FRMD4A: variants seen among roughly 807,000 people sequenced by gnomAD.
FRMD4A encodes the protein FERM domain-containing protein 4A.
In FRMD4A, 29 loss-of-function variants were observed where a neutral mutation model predicts 129.1. The observed-to-expected ratio is 0.22, with a 90% confidence interval of 0.17 to 0.31. FRMD4A has a LOEUF of 0.31. Among genes scored for constraint, FRMD4A ranks in the 10% least tolerant of loss-of-function variants. FRMD4A has a pLI of 1.00. For missense variants in FRMD4A, 1,272 were observed against 1,375.8 expected (o/e 0.92, Z 1.19); for synonymous variants, 634 against 571.6 (o/e 1.11, Z -1.56).
intron 16 of FRMD4A, among the ~76,000 whole-genome samples, chr10:13,674,055 G>A (rs555274679): frequency 1.3e-5 from 2 of 152,196 alleles, no homozygotes; most frequent in Admixed American, 1.3e-4. Flanking sequence ...GGCATGAGCA[G>A]CTGTGCCCAG....
chr10:13,845,250 C>T (rs1475163259), intron 3 of FRMD4A, among the ~76,000 whole-genome samples: 1 of 152,146 alleles, frequency 6.6e-6, no homozygotes, highest in Non-Finnish European at 1.5e-5. Flanking sequence ...GCCTGTCATC[C>T]TATGACCTTG....
At chr10:13,685,686 C>T in intron 15 of FRMD4A, 2 of 969,284 alleles carry the variant, frequency 2.1e-6, no homozygotes, top group Non-Finnish European at 2.5e-6. Flanking sequence ...AATTTCATCA[C>T]AGTCCTACCC....
intron 2 of FRMD4A, among the ~76,000 whole-genome samples, chr10:14,225,808 G>A (rs1342239560): frequency 2.0e-5 from 3 of 152,182 alleles, no homozygotes; most frequent in Admixed American, 6.5e-5. Context: ...CTGCCAGTTC[G>A]ATTTCTCCTG....
At chr10:14,329,256 G>A (rs1843414333) in intron 2 of FRMD4A, among the ~76,000 whole-genome samples, 3 of 152,260 alleles carry the variant, frequency 2.0e-5, no homozygotes, top group Middle Eastern at 3.4e-3. Context: ...GGCTACTTCC[G>A]ACAACAGCCA....
chr10:13,992,442 G>A (rs1297307434), intron 2 of FRMD4A, among the ~76,000 whole-genome samples: 4 of 152,118 alleles, frequency 2.6e-5, no homozygotes, highest in African/African-American at 9.7e-5. Context: ...CTGGCCTTGG[G>A]TCCTGCCCAC....
In FRMD4A at chr10:14,108,105, T is replaced by C. The variant is rs1837680102; in HGVS notation, c.45+221953A>G. Among the ~76,000 whole-genome samples the C allele has an allele frequency of 2.0e-5, 3 of 152,192 alleles. No individual in the cohort carries two copies. In the South Asian group the frequency reaches 6.2e-4, roughly 32 times the overall value. On this transcript the variant is annotated intron_variant, in intron 2 of 24. Coordinates refer to ENST00000357447, the MANE Select transcript of FRMD4A (RefSeq NM_018027.5). Reference sequence around the variant, plus strand: ...GCCTCATTCTTCACGGTCTCTCCAATAAAATTCATTGCCAACCTGTGGGCT... The same window carrying C: ...GCCTCATTCTTCACGGTCTCTCCAACAAAATTCATTGCCAACCTGTGGGCT...
At chr10:14,178,545 G>A (rs1841808724) in intron 2 of FRMD4A, among the ~76,000 whole-genome samples, 1 of 152,114 alleles carries the variant, frequency 6.6e-6, no homozygotes, top group African/African-American at 2.4e-5. Flanking sequence ...ATTGTTGCAG[G>A]GTGAAGGGGG....
chr10:13,790,264 A>G (rs909452136), intron 5 of FRMD4A, among the ~76,000 whole-genome samples: 1 of 152,178 alleles, frequency 6.6e-6, no homozygotes, highest in African/African-American at 2.4e-5. Flanking sequence ...AGGGGAGCAC[A>G]TTTGGATGCA....
At chr10:14,156,803 C>T (rs1306306761) in intron 2 of FRMD4A, among the ~76,000 whole-genome samples, 1 of 152,214 alleles carries the variant, frequency 6.6e-6, no homozygotes, top group Non-Finnish European at 1.5e-5. Flanking sequence ...AGCTTATAAA[C>T]CTGAGCACAC....
intron 5 of FRMD4A, among the ~76,000 whole-genome samples, chr10:13,791,844 G>C (rs1477795584): frequency 6.6e-6 from 1 of 152,216 alleles, no homozygotes; most frequent in Non-Finnish European, 1.5e-5. Flanking sequence ...GTGATGACCA[G>C]GTGCAAGTGG....
chr10:14,183,364 T>C (rs1841973743), intron 2 of FRMD4A, among the ~76,000 whole-genome samples: 1 of 152,216 alleles, frequency 6.6e-6, no homozygotes, highest in Admixed American at 6.5e-5. Flanking sequence ...TTCTAAGTTA[T>C]TCTAATTTTA....
At chr10:14,262,650 G>A (rs886121207) in intron 2 of FRMD4A, among the ~76,000 whole-genome samples, 2 of 152,172 alleles carry the variant, frequency 1.3e-5, no homozygotes, top group African/African-American at 4.8e-5. Flanking sequence ...CTCCTGGGTG[G>A]TGAGGAGCAG....
intron 3 of FRMD4A, among the ~76,000 whole-genome samples, chr10:13,857,452 A>C (rs1324693837): frequency 6.6e-6 from 1 of 152,190 alleles, no homozygotes; most frequent in African/African-American, 2.4e-5. Flanking sequence ...TCCACCAAAA[A>C]GGGAACAACA....
At chr10:14,091,439 TTTG>T (rs1402314759) in intron 2 of FRMD4A, among the ~76,000 whole-genome samples, 4 of 152,104 alleles carry the variant, frequency 2.6e-5, no homozygotes, top group Admixed American at 6.6e-5. Context: ...TTTGTTTTGT[TTTG>T]TTGTTGTTTT....
At chr10:13,857,389 A>G (rs1470285055) in intron 3 of FRMD4A, among the ~76,000 whole-genome samples, 1 of 152,206 alleles carries the variant, frequency 6.6e-6, no homozygotes, top group African/African-American at 2.4e-5. Flanking sequence ...TTATACATGT[A>G]CTATGATTAC....
intron 2 of FRMD4A, among the ~76,000 whole-genome samples, chr10:14,111,322 T>A (rs186872040): frequency 6.6e-6 from 1 of 152,058 alleles, no homozygotes; most frequent in Non-Finnish European, 1.5e-5. Flanking sequence ...TTATTTATTC[T>A]GCTTTTTAAA....
intron 12 of FRMD4A, among the ~76,000 whole-genome samples, chr10:13,723,027 G>C (rs367953653): frequency 6.5e-4 from 99 of 152,218 alleles, no homozygotes; most frequent in African/African-American, 2.3e-3. Context: ...TGGTTAGGTA[G>C]GTCCCTATGT....
At chr10:13,849,432 T>A (rs183831018) in intron 3 of FRMD4A, among the ~76,000 whole-genome samples, 1 of 151,538 alleles carries the variant, frequency 6.6e-6, no homozygotes, top group East Asian at 1.9e-4. Context: ...CTTGGCAACA[T>A]GCACTTTGGG....
chr10:14,040,406 C>T (rs1833733894), intron 2 of FRMD4A, among the ~76,000 whole-genome samples: 1 of 152,060 alleles, frequency 6.6e-6, no homozygotes, highest in South Asian at 2.1e-4. Flanking sequence ...TATTCATTTA[C>T]AAGATAATCT....
Sources: allele counts gnomAD v4.1 joint callset (sites outside exome capture counted in the v4.1 genomes callset), GRCh38; gene constraint gnomAD v4.1.1; transcripts MANE v1.5; gene names NCBI Gene and HGNC (gene_info 2026-07-23, HGNC 2026-07-21).